PPIP5K1: variants seen among roughly 807,000 people sequenced by gnomAD.
PPIP5K1 encodes the protein diphosphoinositol pentakisphosphate kinase 1.
PPIP5K1 carries 6 observed loss-of-function variants against 27.7 expected under a neutral mutation model. That is an observed-to-expected ratio of 0.22 (90% confidence interval 0.12 to 0.43). PPIP5K1 has a LOEUF of 0.43. PPIP5K1 is among the 20% of genes least tolerant of loss of function. The pLI, the probability that PPIP5K1 is intolerant of heterozygous loss-of-function variation, is 1.00. For missense variants in PPIP5K1, 394 were observed against 635.4 expected (o/e 0.62, Z 4.08); for synonymous variants, 145 against 242.6 (o/e 0.60, Z 3.74).
chr15:43,586,744 T>TAAG (rs1188350049), intron 1 of PPIP5K1, among the ~76,000 whole-genome samples: 45 of 84,092 alleles, frequency 5.4e-4, no homozygotes, highest in African/African-American at 1.6e-3. Context: ...ATAATAATAA[T>TAAG]AATAATAGAA....
Position 43,581,217 on chromosome 15 carries a change from C to T in PPIP5K1, c.939+10G>A, listed in dbSNP as rs1182532997. On this transcript the variant is annotated intron_variant, in intron 9 of 31. Coordinates refer to ENST00000420765, the MANE Select transcript of PPIP5K1 (RefSeq NM_001394395.1). ...CCTTCATTTCACAACCTCCCTGGGC[C>T]CTCCTCTACCTTGAAAGCTACGCAG... 3.8e-6 allele frequency: 6 copies of T among 1,585,372 alleles called. No homozygotes were observed. Among genetic ancestry groups the T allele is most frequent in the Non-Finnish European group, 4.3e-6 (5 of 1,171,624 alleles).
At chr15:43,553,772 G>C (rs1567054758) in intron 30 of PPIP5K1, among the ~76,000 whole-genome samples, 1 of 151,546 alleles carries the variant, frequency 6.6e-6, no homozygotes, top group African/African-American at 2.4e-5. Context: ...AGCCTCCCGA[G>C]TAGGTGGGAC....
chr15:43,549,027 C>CAAAAAAAA (rs1160828750), intron 30 of PPIP5K1, among the ~76,000 whole-genome samples: 2 of 28,690 alleles, frequency 7.0e-5, no homozygotes, highest in Non-Finnish European at 6.1e-5. Context: ...GACTCCATCT[C>CAAAAAAAA]AAAAAAAAAA....
chr15:43,550,815 A>AG (rs1290142442), intron 30 of PPIP5K1, among the ~76,000 whole-genome samples: 1 of 152,170 alleles, frequency 6.6e-6, no homozygotes, highest in Non-Finnish European at 1.5e-5. Context: ...TTATCATGAA[A>AG]GGGTGTTGGA....
chr15:43,549,027 C>CAAAAAA (rs1160828750), intron 30 of PPIP5K1, among the ~76,000 whole-genome samples: 4 of 28,684 alleles, frequency 1.4e-4, no homozygotes, highest in African/African-American at 1.3e-4. Context: ...GACTCCATCT[C>CAAAAAA]AAAAAAAAAA....
chr15:43,557,019 T>C (rs1035592392), intron 30 of PPIP5K1, among the ~76,000 whole-genome samples: 1 of 152,242 alleles, frequency 6.6e-6, no homozygotes, highest in Non-Finnish European at 1.5e-5. Flanking sequence ...CCCTTGGAGC[T>C]ACCTACTTAA....
At chr15:43,579,619 G>A (rs1397142009) in intron 10 of PPIP5K1, among the ~76,000 whole-genome samples, 1 of 64,192 alleles carries the variant, frequency 1.6e-5, no homozygotes, top group Non-Finnish European at 2.4e-5. Context: ...GTGTGTGTGT[G>A]TGTGTGTGTG....
chr15:43,539,691 G>T, intron 30 of PPIP5K1, 108 bp from the exon 31 acceptor site: 1 of 660,806 alleles, frequency 1.5e-6, no homozygotes, highest in Non-Finnish European at 2.6e-6. Context: ...ACCCTTCCTT[G>T]GCTGAGAAGT....
chr15:43,550,465 G>C, intron 30 of PPIP5K1, among the ~76,000 whole-genome samples: 1 of 152,122 alleles, frequency 6.6e-6, no homozygotes, highest in East Asian at 1.9e-4. Flanking sequence ...CCTGTAACCT[G>C]CAACTCTGCT....
intron 30 of PPIP5K1, among the ~76,000 whole-genome samples, chr15:43,542,312 G>GC (rs2080844729): frequency 6.7e-6 from 1 of 150,354 alleles, no homozygotes; most frequent in Admixed American, 6.7e-5. Flanking sequence ...GGGGGGGGGG[G>GC]GCAGAGTCTT....
chr15:43,536,051 A>G, intron 31 of PPIP5K1: 17 of 1,250,324 alleles, frequency 1.4e-5, no homozygotes, highest in Non-Finnish European at 1.8e-5. Flanking sequence ...AGAGGTAATC[A>G]TTATTTATAG....
Position 43,534,797 on chromosome 15 carries a change from C to A in PPIP5K1, c.4350G>T (p.Leu1450=). 2.5e-6 allele frequency: 4 copies of A among 1,599,566 alleles called. No individual in the cohort carries two copies. Among genetic ancestry groups the A allele is most frequent in the Non-Finnish European group, 3.4e-6 (4 of 1,173,174 alleles). ...YQEFSVEVGR[L]AQETSAINLL... Reference sequence around the variant, plus strand: ...GATTGATCGCAGAAGTCTCCTGGGCCAGCCTGCCAACCTCCACAGAGAACT... The same window carrying A: ...GATTGATCGCAGAAGTCTCCTGGGCAAGCCTGCCAACCTCCACAGAGAACT... The change falls in exon 32 of 32, where the codon CTG becomes CTT. Residue 1450 remains leucine (L), a synonymous_variant. Coordinates refer to ENST00000420765, the MANE Select transcript of PPIP5K1 (RefSeq NM_001394395.1).
At position 43,579,451 on chromosome 15, in the gene PPIP5K1, TAC is replaced by T. The variant is rs1164680115; in HGVS notation, c.1062-333_1062-332del. Among the ~76,000 whole-genome samples, 8 of 110,468 alleles carry T rather than the reference TAC, an allele frequency of 7.2e-5. 1 individual carries two copies. The highest frequency in any genetic ancestry group is 2.0e-4 in the African/African-American group (3 of 14,982). The allele number at this position is 110,468 out of a possible 152,430, so 72.5% of individuals were successfully genotyped here. A position where few individuals can be genotyped will look rare whatever the true frequency, so the allele number is the denominator to read the frequency against. ...ATGTGTACATACACACACGTATGTG[TAC>T]AGTTTGTGTATATACACACATGTAT... On this transcript the variant is annotated intron_variant, in intron 10 of 31. Transcript: ENST00000420765.
chr15:43,543,761 G>T (rs2140511844), intron 30 of PPIP5K1, among the ~76,000 whole-genome samples: 1 of 150,470 alleles, frequency 6.6e-6, no homozygotes, highest in Non-Finnish European at 1.5e-5. Flanking sequence ...CTAATAACAG[G>T]AACATAATTC....
chr15:43,549,045 AAAAAAAAAAAAATATATATATAT>A (rs57183286), intron 30 of PPIP5K1, among the ~76,000 whole-genome samples: 8,348 of 101,586 alleles, frequency 0.082, 550 homozygotes, highest in African/African-American at 0.16. Flanking sequence ...AAAAAAAAAA[AAAAAAAAAAAAATATATATATAT>A]ATATATATAT....
intron 26 of PPIP5K1, among the ~76,000 whole-genome samples, chr15:43,567,394 A>ATTTTAATGATAC (rs2084227149): frequency 3.0e-4 from 1 of 3,288 alleles, no homozygotes; most frequent in Non-Finnish European, 5.4e-4. Flanking sequence ...CTGGGATTAT[A>ATTTTAATGATAC]GGCATGAGCC....
At chr15:43,579,598 C>CGT (rs1168161790) in intron 10 of PPIP5K1, among the ~76,000 whole-genome samples, 1,645 of 29,858 alleles carry the variant, frequency 0.055, 114 homozygotes, top group Middle Eastern at 0.2. Context: ...TATATGTGTA[C>CGT]GTGTGTGTGT....
intron 30 of PPIP5K1, among the ~76,000 whole-genome samples, chr15:43,542,647 A>ACTGTGTGTGT (rs779758565): frequency 8.2e-6 from 1 of 121,288 alleles, no homozygotes. Flanking sequence ...ATATATATTC[A>ACTGTGTGTGT]GTGTGTGTGT....
intron 31 of PPIP5K1, among the ~76,000 whole-genome samples, chr15:43,536,425 A>G (rs2079869141): frequency 1.3e-5 from 2 of 152,086 alleles, no homozygotes; most frequent in Non-Finnish European, 2.9e-5. Context: ...TCTCAGAAAA[A>G]AAAAAAAAAA....
Sources: gnomAD v4.1 joint callset for allele counts (sites outside exome capture counted in the v4.1 genomes callset) on GRCh38, gnomAD v4.1.1 for gene constraint, MANE v1.5 for transcripts, NCBI Gene and HGNC (gene_info 2026-07-23, HGNC 2026-07-21) for gene names.